SLC35F4: variants seen among roughly 807,000 people sequenced by gnomAD.
The protein encoded by SLC35F4 is chromosome 14 open reading frame 36.
Under a neutral mutation model 44.2 loss-of-function variants are expected in SLC35F4, and 24 were observed. The ratio of observed to expected loss-of-function variants is 0.54; its 90% confidence interval spans 0.39 to 0.76. The LOEUF (loss-of-function observed/expected upper bound fraction) is 0.76. Among genes scored for constraint, SLC35F4 ranks in the 30% least tolerant of loss-of-function variants. The pLI is 0.00. For synonymous variants in SLC35F4, 238 were observed against 223.6 expected (o/e 1.06, Z -0.57); for missense variants, 562 against 586.1 (o/e 0.96, Z 0.42).
intron 1 of SLC35F4, among the ~76,000 whole-genome samples, chr14:57,857,729 G>A (rs1429477269): frequency 6.6e-6 from 1 of 152,000 alleles, no homozygotes; most frequent in Non-Finnish European, 1.5e-5. Context: ...AGCATTACAG[G>A]AGCACAGAGG....
At chr14:57,678,932 C>T (rs1009827290) in intron 1 of SLC35F4, among the ~76,000 whole-genome samples, 3 of 152,048 alleles carry the variant, frequency 2.0e-5, no homozygotes, top group African/African-American at 2.4e-5. Flanking sequence ...TAGTGGGAGA[C>T]TTTAACACCC....
intron 1 of SLC35F4, among the ~76,000 whole-genome samples, chr14:57,599,804 A>G (rs75658631): frequency 5.5e-5 from 4 of 72,180 alleles, no homozygotes; most frequent in African/African-American, 9.6e-5. Context: ...TCTGTCTTGA[A>G]AAAAAAAAAA....
chr14:57,752,083 C>T (rs910357850), intron 1 of SLC35F4, among the ~76,000 whole-genome samples: 1 of 152,094 alleles, frequency 6.6e-6, no homozygotes, highest in Non-Finnish European at 1.5e-5. Flanking sequence ...CCTCACATGG[C>T]TTTTGATTTT....
At chr14:57,934,155 A>T (rs531502192) in intron 1 of SLC35F4, among the ~76,000 whole-genome samples, 104 of 151,986 alleles carry the variant, frequency 6.8e-4, no homozygotes, top group Non-Finnish European at 1.1e-3. Context: ...ATACCCAACT[A>T]ATCTTCACGG....
intron 1 of SLC35F4, among the ~76,000 whole-genome samples, chr14:57,803,006 A>AG (rs1555390749): frequency 0.12 from 16,602 of 135,842 alleles, 2,294 homozygotes; most frequent in East Asian, 0.44. Flanking sequence ...AAAAAAAAAA[A>AG]GAAATTGCAG....
chr14:57,590,582 T>C (rs2070110750), intron 2 of SLC35F4, among the ~76,000 whole-genome samples: 1 of 152,152 alleles, frequency 6.6e-6, no homozygotes, highest in African/African-American at 2.4e-5. Flanking sequence ...GCCAAAACTC[T>C]CTAAAAGTGA....
intron 3 of SLC35F4, among the ~76,000 whole-genome samples, chr14:57,583,994 G>T (rs1594942786): frequency 6.6e-6 from 1 of 152,132 alleles, no homozygotes; most frequent in South Asian, 2.1e-4. Flanking sequence ...TATTAAAACA[G>T]CAGCCACTAG....
intron 1 of SLC35F4, among the ~76,000 whole-genome samples, chr14:57,916,230 A>C (rs965028924): frequency 6.6e-6 from 1 of 152,134 alleles, no homozygotes; most frequent in African/African-American, 2.4e-5. Flanking sequence ...CGAGATAACT[A>C]ATCCACTCCT....
chr14:57,958,028 A>G (rs926873731), intron 1 of SLC35F4, among the ~76,000 whole-genome samples: 3 of 152,148 alleles, frequency 2.0e-5, no homozygotes, highest in Non-Finnish European at 2.9e-5. Flanking sequence ...AAAAGAATGA[A>G]GTATACAGTA....
intron 4 of SLC35F4, among the ~76,000 whole-genome samples, chr14:57,577,607 T>C (rs2068884884): frequency 6.6e-6 from 1 of 151,706 alleles, no homozygotes; most frequent in African/African-American, 2.4e-5. Flanking sequence ...GTAAAACAGA[T>C]ACCAACAGCA....
chr14:57,593,587 G>T (rs1566658921), intron 2 of SLC35F4, among the ~76,000 whole-genome samples: 1 of 152,156 alleles, frequency 6.6e-6, no homozygotes, highest in African/African-American at 2.4e-5. Flanking sequence ...TTCAGGATGG[G>T]TACATTGTGC....
intron 1 of SLC35F4, among the ~76,000 whole-genome samples, chr14:57,759,893 G>A (rs200709634): frequency 1.3e-4 from 15 of 116,054 alleles, no homozygotes; most frequent in Non-Finnish European, 2.2e-4. Flanking sequence ...TTTTTTTTTT[G>A]TTTGCTTTTT....
At chr14:57,944,658 GGA>G (rs1168293164) in intron 1 of SLC35F4, among the ~76,000 whole-genome samples, 2 of 138,768 alleles carry the variant, frequency 1.4e-5, no homozygotes, top group Non-Finnish European at 3.1e-5. Context: ...AGGAAGGGAG[GGA>G]GAGAGAGAAA....
chr14:57,752,574 C>T (rs1467382292), intron 1 of SLC35F4, among the ~76,000 whole-genome samples: 1 of 151,830 alleles, frequency 6.6e-6, no homozygotes, highest in Non-Finnish European at 1.5e-5. Flanking sequence ...TGTTCTTCTG[C>T]CTCAGCCTCC....
At chr14:57,673,496 A>G (rs376969798) in intron 1 of SLC35F4, among the ~76,000 whole-genome samples, 1 of 152,100 alleles carries the variant, frequency 6.6e-6, no homozygotes, top group South Asian at 2.1e-4. Context: ...TGATATGCAT[A>G]TGTAATAAGA....
rs756587040 is a variant in SLC35F4 at position 57,564,221 on chromosome 14, C to T, written c.1372G>A (p.Glu458Lys). The change falls in exon 8 of 8, where the codon GAG becomes AAG. Residue 458 changes from glutamate (E) to lysine (K), a missense_variant. Glu to Lys is a moderately conservative substitution (Grantham distance 56, BLOSUM62 1). Coordinates refer to ENST00000556826, the MANE Select transcript of SLC35F4 (RefSeq NM_001306087.2). ...GGATCAGTCACATCATCCACATGCTCCTCACTCTTCTTTTCCTTCAGGCTG... is the reference window on the plus strand; with the variant it reads ...GGATCAGTCACATCATCCACATGCTTCTCACTCTTCTTTTCCTTCAGGCTG... Reference protein sequence around the residue: ...INSLKEKKSEEHVDDVTDPSI... With the variant: ...INSLKEKKSEKHVDDVTDPSI... 4 of 1,613,516 alleles carry T rather than the reference C, an allele frequency of 2.5e-6. No homozygotes were observed. Among genetic ancestry groups the T allele is most frequent in the Non-Finnish European group, 3.4e-6 (4 of 1,179,788 alleles).
At chr14:57,910,379 C>G (rs1250694574) in intron 1 of SLC35F4, among the ~76,000 whole-genome samples, 2 of 152,008 alleles carry the variant, frequency 1.3e-5, no homozygotes, top group East Asian at 3.9e-4. Flanking sequence ...TCATCATACC[C>G]AAGGTCACTT....
rs999609016 is a variant in SLC35F4 at position 57,578,033 on chromosome 14, C to T, written c.807+3181G>A. ...AGCAAGTTATTCATAATACATAATT[C>T]ATTTTTATGTGAGCATTAGTAATTC... On this transcript the variant is annotated intron_variant, in intron 4 of 7. Coordinates refer to ENST00000556826, the MANE Select transcript of SLC35F4 (RefSeq NM_001306087.2). Among the ~76,000 whole-genome samples the T allele has an allele frequency of 2.0e-5, 3 of 152,030 alleles. No individual in the cohort carries two copies. In the East Asian group the frequency reaches 5.8e-4, roughly 29 times the overall value.
At position 57,565,246 on chromosome 14, in the gene SLC35F4, T is replaced by C. The variant is rs2068147986; in HGVS notation, c.1217-870A>G. 1.3e-5 allele frequency among the ~76,000 whole-genome samples: 2 copies of C among 152,212 alleles called. 1 individual carries two copies. The highest frequency in any genetic ancestry group is 1.3e-4 in the Admixed American group (2 of 15,284). The stretch of plus-strand genomic sequence containing the variant: ...GTTTTCACTTTTTTGGGGTATACAC[T>C]CAGGAGTGGAGTTGTTGGTCACACA... On this transcript the variant is annotated intron_variant, in intron 7 of 7. Transcript: ENST00000556826.
Sources: allele counts gnomAD v4.1 joint callset (sites outside exome capture counted in the v4.1 genomes callset), GRCh38; gene constraint gnomAD v4.1.1; transcripts MANE v1.5; gene names NCBI Gene and HGNC (gene_info 2026-07-23, HGNC 2026-07-21).